PTPRD: variants seen among roughly 807,000 people sequenced by gnomAD.
The protein encoded by PTPRD is protein tyrosine phosphatase receptor type D, also known as receptor-type tyrosine-protein phosphatase delta.
A neutral mutation model predicts 214.5 loss-of-function variants in PTPRD; 34 were observed. The ratio of observed to expected loss-of-function variants is 0.16; its 90% CI spans 0.12 to 0.21. The LOEUF (loss-of-function observed/expected upper bound fraction) is 0.21. Among genes scored for constraint, PTPRD ranks in the 10% least tolerant of loss-of-function variants. The pLI, the probability that PTPRD is intolerant of heterozygous loss-of-function variation, is 1.00. For synonymous variants in PTPRD, 1,128 were observed against 845.7 expected, an observed-to-expected ratio of 1.33 and a Z score of -5.79; for missense variants, 2,545 against 2,398.7, an observed-to-expected ratio of 1.06 and a Z score of -1.27.
chr9:10,008,717 T>G (rs2096538777), intron 4 of PTPRD, among the ~76,000 whole-genome samples: 1 of 151,968 alleles, frequency 6.6e-6, no homozygotes, highest in Admixed American at 6.6e-5. Flanking sequence ...GCCTATAGGC[T>G]GTAACCTGGT....
At chr9:9,748,408 C>A (rs77792512) in intron 6 of PTPRD, among the ~76,000 whole-genome samples, 1 of 152,062 alleles carries the variant, frequency 6.6e-6, no homozygotes, top group East Asian at 1.9e-4. Flanking sequence ...GCTATTGCTA[C>A]GTGCATTAAC....
intron 2 of PTPRD, among the ~76,000 whole-genome samples, chr9:10,387,879 T>C (rs2097955157): frequency 7.3e-6 from 1 of 137,150 alleles, no homozygotes; most frequent in African/African-American, 2.7e-5. Flanking sequence ...CAGGCTGGTA[T>C]CAAACTCCTT....
In PTPRD at chr9:8,332,815, T is replaced by C. The variant is rs375483678; in HGVS notation, c.5380-1079A>G. 2.6e-5 allele frequency among the ~76,000 whole-genome samples: 4 copies of C among 152,206 alleles called. No individual in the cohort carries two copies. In the East Asian group the frequency reaches 5.8e-4, roughly 22 times the overall value. The stretch of plus-strand genomic sequence containing the variant: ...TCCAAGCTTAGAGAGACCGATCTCA[T>C]TTCTCATTTGAAGAGGTCCTACTCC... On this transcript the variant is annotated intron_variant, in intron 43 of 45. Transcript: ENST00000381196.
intron 2 of PTPRD, among the ~76,000 whole-genome samples, chr9:10,452,977 T>G (rs1462674014): frequency 6.6e-6 from 1 of 151,778 alleles, no homozygotes; most frequent in Admixed American, 6.6e-5. Flanking sequence ...TAGAGATCCT[T>G]AATCCATTTT....
rs190518005 is a variant in PTPRD, at chr9:10,057,865, A to C, written c.-544-24075T>G. Among the ~76,000 whole-genome samples the C allele has an allele frequency of 2.6e-5, 4 of 151,754 alleles. No homozygotes were observed. In the East Asian group the frequency reaches 5.9e-4, roughly 22 times the overall value. On this transcript the variant is annotated intron_variant, in intron 3 of 45. Coordinates refer to ENST00000381196, the MANE Select transcript of PTPRD (RefSeq NM_002839.4). ...TCAAAAAAAAACAAAAAAAAAACAA[A>C]AAAAAAGTGAGTAGTGGAATAATTC... is the stretch of plus-strand genomic sequence containing the variant.
chr9:9,947,371 A>G lies in PTPRD; in HGVS notation c.-471-8761T>C, dbSNP rs1231331208. On this transcript the variant is annotated intron_variant, in intron 4 of 45. Coordinates refer to ENST00000381196, the MANE Select transcript of PTPRD (RefSeq NM_002839.4). ...AATATATATTATATATATTATATATATATTATATATATTTTATATACATAT... is the reference window on the plus strand; with the variant it reads ...AATATATATTATATATATTATATATGTATTATATATATTTTATATACATAT... 1.2e-3 allele frequency among the ~76,000 whole-genome samples: 67 copies of G among 56,926 alleles called. 1 individual carries two copies. The highest frequency in any genetic ancestry group is 4.8e-3 in the South Asian group (11 of 2,298). 37.3% of individuals were successfully genotyped at this position (56,926 alleles called of 152,430 possible).
chr9:9,046,461 T>A (rs1483010434), intron 10 of PTPRD, among the ~76,000 whole-genome samples: 3 of 152,146 alleles, frequency 2.0e-5, no homozygotes, highest in African/African-American at 7.2e-5. Flanking sequence ...GAGACTTAAT[T>A]CAGGATATAT....
At chr9:9,324,395 G>T (rs4568658) in intron 9 of PTPRD, among the ~76,000 whole-genome samples, 112,582 of 152,074 alleles carry the variant, frequency 0.74, 41,924 homozygotes, top group East Asian at 0.93. Flanking sequence ...ACTGGTGTGA[G>T]ATGGTATCTC....
At chr9:10,453,495 T>C (rs1484264460) in intron 2 of PTPRD, among the ~76,000 whole-genome samples, 2 of 151,802 alleles carry the variant, frequency 1.3e-5, no homozygotes, top group African/African-American at 4.8e-5. Context: ...CTCAATGTTT[T>C]ATAGTTTTCA....
At chr9:9,348,058 T>C (rs2049579525) in intron 9 of PTPRD, among the ~76,000 whole-genome samples, 1 of 152,086 alleles carries the variant, frequency 6.6e-6, no homozygotes, top group African/African-American at 2.4e-5. Flanking sequence ...AAAAGCAAAA[T>C]CCAAGTGTGC....
chr9:9,256,580 A>G (rs564094913), intron 9 of PTPRD, among the ~76,000 whole-genome samples: 25 of 152,062 alleles, frequency 1.6e-4, no homozygotes, highest in South Asian at 8.3e-4. Context: ...AACTGCTTCA[A>G]CCAATGTTTG....
chr9:8,866,866 A>G (rs1401301089), intron 11 of PTPRD, among the ~76,000 whole-genome samples: 5 of 152,168 alleles, frequency 3.3e-5, no homozygotes, highest in African/African-American at 1.2e-4. Context: ...TGTACTGAAT[A>G]TTCTACTGAA....
At chr9:8,554,330 A>T (rs913630226) in intron 14 of PTPRD, among the ~76,000 whole-genome samples, 2 of 152,240 alleles carry the variant, frequency 1.3e-5, no homozygotes, top group East Asian at 3.8e-4. Flanking sequence ...ATAGAAAAAA[A>T]TGATTATTCT....
chr9:8,342,447 C>T (rs914907045), intron 39 of PTPRD, among the ~76,000 whole-genome samples: 17 of 152,042 alleles, frequency 1.1e-4, no homozygotes, highest in African/African-American at 3.9e-4. Context: ...AGCTAAACCT[C>T]GCATGCTTCC....
intron 2 of PTPRD, among the ~76,000 whole-genome samples, chr9:10,579,145 A>G (rs1020117192): frequency 1.3e-5 from 2 of 152,112 alleles, no homozygotes; most frequent in African/African-American, 2.4e-5. Context: ...CAGCCATAAA[A>G]AAAGAATGAG....
intron 23 of PTPRD, among the ~76,000 whole-genome samples, chr9:8,503,865 A>T (rs2097477865): frequency 6.6e-6 from 1 of 152,164 alleles, no homozygotes. Flanking sequence ...TTAAAAAAAT[A>T]AAGTTTTTTT....
chr9:10,601,623 CTTCT>C (rs917773580), intron 2 of PTPRD, among the ~76,000 whole-genome samples: 11 of 151,748 alleles, frequency 7.2e-5, no homozygotes, highest in Admixed American at 7.2e-4. Context: ...AATTTTATAT[CTTCT>C]TTCTTTGTAA....
intron 8 of PTPRD, among the ~76,000 whole-genome samples, chr9:9,543,767 T>G (rs911115328): frequency 3.3e-5 from 5 of 151,716 alleles, no homozygotes; most frequent in Non-Finnish European, 7.4e-5. Flanking sequence ...TATAATCTAG[T>G]CTATACTATA....
chr9:9,949,005 T>C (rs2093140260), intron 4 of PTPRD, among the ~76,000 whole-genome samples: 1 of 151,958 alleles, frequency 6.6e-6, no homozygotes, highest in Non-Finnish European at 1.5e-5. Flanking sequence ...GGGCCTAAGA[T>C]TTCTGTGGTG....
Sources: allele counts gnomAD v4.1 joint callset (sites outside exome capture counted in the v4.1 genomes callset), GRCh38; gene constraint gnomAD v4.1.1; transcripts MANE v1.5; gene names NCBI Gene and HGNC (gene_info 2026-07-23, HGNC 2026-07-21).